Variants in PIAS1 observed in about 807,000 individuals in gnomAD.
PIAS1 encodes the protein E3 SUMO-protein ligase PIAS1.
Under a neutral mutation model 71.3 loss-of-function variants are expected in PIAS1, and 6 were observed. The ratio of observed to expected loss-of-function variants is 0.08; its 90% CI spans 0.05 to 0.17. PIAS1 has a LOEUF of 0.17. PIAS1 is among the 10% of genes least tolerant of loss of function. PIAS1 has a pLI of 1.00. For missense variants in PIAS1, 555 were observed against 793.6 expected, an observed-to-expected ratio of 0.70 and a Z score of 3.61; for synonymous variants, 303 against 292.9, an observed-to-expected ratio of 1.03 and a Z score of -0.35.
Position 68,193,613 on chromosome 15 carries a change from T to C in PIAS1, c.*5778T>C, listed in dbSNP as rs2093130271. 1 of 173,656 alleles carries C rather than the reference T, an allele frequency of 5.8e-6. No individual in the cohort carries two copies. Among genetic ancestry groups the C allele is most frequent in the Non-Finnish European group, 1.2e-5 (1 of 81,316 alleles). 10.8% of individuals were successfully genotyped at this position (173,656 alleles called of 1,614,324 possible). A position where few individuals can be genotyped will look rare whatever the true frequency, so the allele number is the denominator to read the frequency against. On this transcript the variant is annotated 3_prime_UTR_variant, in exon 14 of 14. Coordinates refer to ENST00000249636, the MANE Select transcript of PIAS1 (RefSeq NM_016166.3). ...CTCTTGGTAGATTGCCCTTAAGTCATCAGCTCAATCCTTCCTCAACAGGCT... is the reference window on the plus strand; with the variant it reads ...CTCTTGGTAGATTGCCCTTAAGTCACCAGCTCAATCCTTCCTCAACAGGCT...
In PIAS1 at chr15:68,190,242, T is replaced by C. The variant is rs957515290; in HGVS notation, c.*2407T>C. ...GGTGGTTTCAGTGGTTTTGGTCATGTGTCCACAGGAGAAACTAACCATTCA... is the reference window on the plus strand; with the variant it reads ...GGTGGTTTCAGTGGTTTTGGTCATGCGTCCACAGGAGAAACTAACCATTCA... On this transcript the variant is annotated 3_prime_UTR_variant, in exon 14 of 14. Transcript: ENST00000249636. This position sits in a 1 kb window ranked among gnomAD's most constrained non-coding sequence, Gnocchi z 4.7. 2.8e-4 allele frequency: 42 copies of C among 152,226 alleles called. No individual in the cohort carries two copies. Among genetic ancestry groups the C allele is most frequent in the African/African-American group, 9.6e-4 (40 of 41,464 alleles). The allele number at this position is 152,226 out of a possible 1,614,324, so 9.4% of individuals were successfully genotyped here.
chr15:68,159,801 T>TG (rs2092912714), intron 7 of PIAS1, among the ~76,000 whole-genome samples: 1 of 152,150 alleles, frequency 6.6e-6, no homozygotes, highest in Non-Finnish European at 1.5e-5. Context: ...TATGGATACC[T>TG]CAGTTTTGTA....
At chr15:68,159,991 A>G (rs560866620) in intron 7 of PIAS1, among the ~76,000 whole-genome samples, 2 of 152,292 alleles carry the variant, frequency 1.3e-5, no homozygotes, top group African/African-American at 4.8e-5. Flanking sequence ...ATATGGTATC[A>G]TCAGGCTGCT....
intron 12 of PIAS1, 141 bp from the exon 13 acceptor site, chr15:68,183,489 G>A (rs1024215891): frequency 3.5e-6 from 2 of 570,586 alleles, no homozygotes; most frequent in African/African-American, 1.9e-5. Flanking sequence ...GACGTAAAAC[G>A]TTTAGCTCAA....
At chr15:68,057,655 T>C (rs2091911437) in intron 1 of PIAS1, 2 of 249,588 alleles carry the variant, frequency 8.0e-6, no homozygotes, top group South Asian at 7.7e-5. Flanking sequence ...CCTTACGCTG[T>C]AATTTGTCTG....
chr15:68,081,226 A>G (rs1334514691), intron 1 of PIAS1, among the ~76,000 whole-genome samples: 1 of 152,200 alleles, frequency 6.6e-6, no homozygotes, highest in African/African-American at 2.4e-5. Context: ...TGAACCTCCC[A>G]TTCTGCACTA....
In PIAS1 at chr15:68,190,090, G is replaced by A. The variant is rs532445398; in HGVS notation, c.*2255G>A. 22 of 151,908 alleles carry A rather than the reference G, an allele frequency of 1.4e-4. No individual in the cohort carries two copies. Among genetic ancestry groups the A allele is most frequent in the South Asian group, 2.1e-4 (1 of 4,812 alleles). The allele number at this position is 151,908 out of a possible 1,614,324, so 9.4% of individuals were successfully genotyped here. A position where few individuals can be genotyped will look rare whatever the true frequency, so the allele number is the denominator to read the frequency against. On this transcript the variant is annotated 3_prime_UTR_variant, in exon 14 of 14. Transcript: ENST00000249636. The surrounding 1 kb of genome is among the most constrained non-coding windows in gnomAD (Gnocchi z 4.7). ...TGTGTATGATGCTGAATTACAAACCGTTTGAATGATCCAGTTGAAAACGTA... is the reference window on the plus strand; with the variant it reads ...TGTGTATGATGCTGAATTACAAACCATTTGAATGATCCAGTTGAAAACGTA...
At chr15:68,112,808 A>G (rs1194172596) in intron 2 of PIAS1, among the ~76,000 whole-genome samples, 1 of 151,584 alleles carries the variant, frequency 6.6e-6, no homozygotes, top group Non-Finnish European at 1.5e-5. Context: ...GAGCTTTAAA[A>G]TTGTGTTCGT....
chr15:68,096,921 A>G (rs2092380886), intron 2 of PIAS1, among the ~76,000 whole-genome samples: 1 of 152,028 alleles, frequency 6.6e-6, no homozygotes, highest in South Asian at 2.1e-4. Flanking sequence ...TGTGTGTGTA[A>G]TTGCTCTGGC....
chr15:68,075,078 C>CTTTCTTTTTTT (rs2092144246), intron 1 of PIAS1, among the ~76,000 whole-genome samples: 3 of 81,782 alleles, frequency 3.7e-5, no homozygotes, highest in Non-Finnish European at 7.1e-5. Context: ...TTCTTTCTTT[C>CTTTCTTTTTTT]TTTTTTTTTT....
chr15:68,141,583 A>G (rs2092770433), intron 2 of PIAS1, among the ~76,000 whole-genome samples: 1 of 152,158 alleles, frequency 6.6e-6, no homozygotes, highest in Non-Finnish European at 1.5e-5. Flanking sequence ...TCCAGAAACC[A>G]TGTCTCTTTA....
intron 1 of PIAS1, among the ~76,000 whole-genome samples, chr15:68,061,678 A>G (rs1239487403): frequency 6.6e-6 from 1 of 152,172 alleles, no homozygotes; most frequent in Non-Finnish European, 1.5e-5. Context: ...CTTTCAGTTT[A>G]CCCGCTTTGG....
In PIAS1 at chr15:68,112,291, G is replaced by A. The variant is rs538546388; in HGVS notation, c.469+25541G>A. 1.5e-3 allele frequency among the ~76,000 whole-genome samples: 224 copies of A among 152,050 alleles called. 4 individuals are homozygous for A. The highest frequency in any genetic ancestry group is 5.1e-3 in the African/African-American group (213 of 41,470). On this transcript the variant is annotated intron_variant, in intron 2 of 13. Coordinates refer to ENST00000249636, the MANE Select transcript of PIAS1 (RefSeq NM_016166.3). ...TTATCAATTTTTTGCCTCTTTACTAGCTCAGTCCCCCATCTTAAAAAAACT... is the reference window on the plus strand; with the variant it reads ...TTATCAATTTTTTGCCTCTTTACTAACTCAGTCCCCCATCTTAAAAAAACT...
chr15:68,155,695 A>G (rs1178578085), intron 7 of PIAS1, among the ~76,000 whole-genome samples: 1 of 151,964 alleles, frequency 6.6e-6, no homozygotes, highest in Non-Finnish European at 1.5e-5. Context: ...TTCACAGAGA[A>G]CTCCATTCTC....
chr15:68,128,526 A>C (rs1000701772), intron 2 of PIAS1, among the ~76,000 whole-genome samples: 1 of 152,214 alleles, frequency 6.6e-6, no homozygotes, highest in Admixed American at 6.5e-5. Flanking sequence ...GTGTGGTTTT[A>C]GTTCTCCAAG....
At chr15:68,143,246 A>G (rs1170263124) in intron 4 of PIAS1, among the ~76,000 whole-genome samples, 1 of 152,108 alleles carries the variant, frequency 6.6e-6, no homozygotes, top group Non-Finnish European at 1.5e-5. Flanking sequence ...TCAAACAGTT[A>G]GCCTTGTCTC....
Position 68,086,258 on chromosome 15 carries a change from A to G in PIAS1, c.25-48A>G. ...AATAAAGTGTCATTTAATAGTGTAA[A>G]TTATATTATTGGAATACTAATGTTT... is the stretch of plus-strand genomic sequence containing the variant. On this transcript the variant is annotated intron_variant, in intron 1 of 13. Transcript: ENST00000249636. The surrounding 1 kb of genome is among the most constrained non-coding windows in gnomAD (Gnocchi z 7.2). 7.7e-7 allele frequency: 1 copy of G among 1,302,290 alleles called. No homozygotes were observed. The highest frequency in any genetic ancestry group is 1.4e-5 in the South Asian group (1 of 69,530). The allele number at this position is 1,302,290 out of a possible 1,614,324, so 80.7% of individuals were successfully genotyped here. A position where few individuals can be genotyped will look rare whatever the true frequency, so the allele number is the denominator to read the frequency against.
intron 11 of PIAS1, 139 bp downstream of exon 11, chr15:68,176,793 G>T: frequency 1.5e-6 from 1 of 650,958 alleles, no homozygotes; most frequent in Non-Finnish European, 2.5e-6. Context: ...ATTTTTCCCA[G>T]GTTTGTAATA....
intron 1 of PIAS1, among the ~76,000 whole-genome samples, chr15:68,059,000 C>T (rs868391231): frequency 1.2e-5 from 1 of 84,920 alleles, no homozygotes. Flanking sequence ...GATTATTCTA[C>T]TTTTTTTTTT....
Sources: gnomAD v4.1 joint callset for allele counts (sites outside exome capture counted in the v4.1 genomes callset) on GRCh38, gnomAD v4.1.1 for gene constraint, Gnocchi (gnomAD v3.1) non-coding constraint, MANE v1.5 for transcripts, NCBI Gene and HGNC (gene_info 2026-07-23, HGNC 2026-07-21) for gene names.